CDC40: variants seen among roughly 807,000 people sequenced by gnomAD.
The protein encoded by CDC40 is pre-mRNA-processing factor 17.
CDC40 carries 27 observed loss-of-function variants against 80.6 expected under a neutral mutation model. That is an observed-to-expected ratio of 0.33 (90% CI 0.25 to 0.46). The LOEUF (loss-of-function observed/expected upper bound fraction) is 0.46, where lower values mean the gene tolerates loss of function less well. Among genes scored for constraint, CDC40 ranks in the 20% least tolerant of loss-of-function variants. The pLI is 1.00. For synonymous variants in CDC40, 221 were observed against 232.6 expected (o/e 0.95, Z 0.45); for missense variants, 486 against 694.1 (o/e 0.70, Z 3.37).
At chr6:110,186,408 A>C (rs1397254353) in intron 1 of CDC40, among the ~76,000 whole-genome samples, 1 of 152,056 alleles carries the variant, frequency 6.6e-6, no homozygotes, top group Non-Finnish European at 1.5e-5. Flanking sequence ...CGCTGGAGCC[A>C]AAGAGGCAGA....
At chr6:110,196,584 A>G (rs1030073107) in intron 2 of CDC40, among the ~76,000 whole-genome samples, 1 of 152,180 alleles carries the variant, frequency 6.6e-6, no homozygotes, top group Non-Finnish European at 1.5e-5. Context: ...GAAAAAATAT[A>G]AAAGTTAAGA....
At chr6:110,198,939 C>G (rs183686479) in intron 2 of CDC40, 196 of 152,094 alleles carry the variant, frequency 1.3e-3, no homozygotes, top group African/African-American at 4.5e-3. Flanking sequence ...TCACAGGGAC[C>G]AAGAACAGCT....
At chr6:110,187,873 A>G (rs576618078) in intron 1 of CDC40, among the ~76,000 whole-genome samples, 137 of 152,346 alleles carry the variant, frequency 9.0e-4, no homozygotes, top group Non-Finnish European at 1.6e-3. Context: ...GAATAGAAAT[A>G]ATTTGTTATT....
chr6:110,222,792 T>C (rs958256366), intron 12 of CDC40, among the ~76,000 whole-genome samples: 2 of 152,154 alleles, frequency 1.3e-5, no homozygotes, highest in Non-Finnish European at 2.9e-5. Context: ...TACTGTCTGT[T>C]CCCAGCACAG....
At chr6:110,206,835 A>G (rs1004341343) in intron 3 of CDC40, among the ~76,000 whole-genome samples, 2 of 152,244 alleles carry the variant, frequency 1.3e-5, no homozygotes, top group Non-Finnish European at 2.9e-5. Context: ...TTCCAAGTGC[A>G]TCATGTACAT....
intron 1 of CDC40, among the ~76,000 whole-genome samples, chr6:110,184,896 A>T (rs1562198169): frequency 6.6e-6 from 1 of 152,248 alleles, no homozygotes; most frequent in East Asian, 1.9e-4. Context: ...GGACAAATAT[A>T]CAATTACAGT....
chr6:110,195,602 A>G (rs1224660740), intron 2 of CDC40, among the ~76,000 whole-genome samples: 2 of 152,192 alleles, frequency 1.3e-5, no homozygotes, highest in Admixed American at 6.5e-5. Flanking sequence ...CAGATAATGT[A>G]TGATATAGTT....
chr6:110,213,050 A>T lies in CDC40; in HGVS notation c.868-36A>T, dbSNP rs1399265967. 3.8e-6 allele frequency: 5 copies of T among 1,329,526 alleles called. No homozygotes were observed. The Admixed American group carries it at 6.7e-5, about 18-fold the overall frequency. The allele number at this position is 1,329,526 out of a possible 1,614,324, so 82.4% of individuals were successfully genotyped here. ...TGCTTCATTTGAGCTGATCTTTTGA[A>T]TGCTTCTGGTTGATAACTGTAATAC... On this transcript the variant is annotated intron_variant, in intron 7 of 14. Coordinates refer to ENST00000307731, the MANE Select transcript of CDC40 (RefSeq NM_015891.3).
chr6:110,211,136 CCCAGTCATTTT>C (rs1457462783), intron 6 of CDC40: 1 of 153,916 alleles, frequency 6.5e-6, no homozygotes. Flanking sequence ...TTAATAGTGC[CCCAGTCATTTT>C]AAATGTTTTT....
intron 12 of CDC40, 74 bp from the exon 13 acceptor site, chr6:110,226,093 C>G: frequency 1.3e-6 from 1 of 762,632 alleles, no homozygotes; most frequent in Non-Finnish European, 2.3e-6. Flanking sequence ...GCATATTATT[C>G]CTTTGTTCCA....
chr6:110,217,186 TG>T (rs1389113540), intron 9 of CDC40, among the ~76,000 whole-genome samples: 2 of 152,244 alleles, frequency 1.3e-5, no homozygotes, highest in African/African-American at 4.8e-5. Flanking sequence ...CTATGAAATT[TG>T]GTAATGTGAT....
rs560631924 is a variant in CDC40 at position 110,230,447 on chromosome 6, T to C, written c.*316T>C. 4.5e-6 allele frequency: 1 copy of C among 222,440 alleles called. No individual in the cohort carries two copies. The highest frequency in any genetic ancestry group is 2.4e-5 in the African/African-American group (1 of 42,460). The allele number at this position is 222,440 out of a possible 1,614,324, so 13.8% of individuals were successfully genotyped here. A position where few individuals can be genotyped will look rare whatever the true frequency, so the allele number is the denominator to read the frequency against. ...GGTCAAGAAAGAATCCCTAGTGGAT[T>C]TGGGATTCTAGAGGAGGTGTTATAA... On this transcript the variant is annotated 3_prime_UTR_variant, in exon 15 of 15. Coordinates refer to ENST00000307731, the MANE Select transcript of CDC40 (RefSeq NM_015891.3).
At chr6:110,182,721 C>G (rs1777215530) in intron 1 of CDC40, among the ~76,000 whole-genome samples, 1 of 152,208 alleles carries the variant, frequency 6.6e-6, no homozygotes. Context: ...CACTTTAACT[C>G]AATGATATTC....
chr6:110,182,899 A>T (rs1427051132), intron 1 of CDC40, among the ~76,000 whole-genome samples: 1 of 152,146 alleles, frequency 6.6e-6, no homozygotes, highest in African/African-American at 2.4e-5. Flanking sequence ...TGTAAATTCC[A>T]CTTACATCGT....
At chr6:110,225,061 T>TCC (rs1777833519) in intron 12 of CDC40, among the ~76,000 whole-genome samples, 1 of 152,216 alleles carries the variant, frequency 6.6e-6, no homozygotes, top group Non-Finnish European at 1.5e-5. Flanking sequence ...ATGATGTTAT[T>TCC]CCCCAGGTTA....
chr6:110,183,407 G>C (rs1308386302), intron 1 of CDC40, among the ~76,000 whole-genome samples: 1 of 152,230 alleles, frequency 6.6e-6, no homozygotes, highest in Non-Finnish European at 1.5e-5. Flanking sequence ...TGCAGTGGCA[G>C]GGATGGGGGT....
intron 9 of CDC40, 29 bp downstream of exon 9, chr6:110,215,360 T>C (rs760452558): frequency 6.3e-7 from 1 of 1,582,032 alleles, no homozygotes; most frequent in Non-Finnish European, 8.7e-7. Flanking sequence ...CCAACATAAA[T>C]CTGGGAAGAA....
chr6:110,198,778 A>T (rs990833031), intron 2 of CDC40, among the ~76,000 whole-genome samples: 4 of 152,200 alleles, frequency 2.6e-5, no homozygotes, highest in Non-Finnish European at 5.9e-5. Flanking sequence ...GTATTTACTT[A>T]TATCTTGTTA....
intron 1 of CDC40, among the ~76,000 whole-genome samples, chr6:110,187,553 T>C (rs1777290911): frequency 6.6e-6 from 1 of 152,210 alleles, no homozygotes; most frequent in African/African-American, 2.4e-5. Context: ...TTTTATATCA[T>C]TCACCTAAAT....
Sources: gnomAD v4.1 joint callset for allele counts (sites outside exome capture counted in the v4.1 genomes callset) on GRCh38, gnomAD v4.1.1 for gene constraint, MANE v1.5 for transcripts, NCBI Gene and HGNC (gene_info 2026-07-23, HGNC 2026-07-21) for gene names.